The following CA12 variants were observed in gnomAD, a reference collection of about 807,000 sequenced individuals.
CA12 encodes the protein carbonate dehydratase XII.
In CA12, 36 loss-of-function variants were observed where a neutral mutation model predicts 46.8. The ratio of observed to expected loss-of-function variants is 0.77; its 90% confidence interval spans 0.59 to 1.02. The LOEUF is 1.02. CA12 is among the 50% of genes least tolerant of loss of function. The probability of loss-of-function intolerance (pLI) is 0.00; values close to 1 mark genes in which losing one functional copy is unlikely to be tolerated. For missense variants in CA12, 436 were observed against 451.4 expected, an observed-to-expected ratio of 0.97 and a Z score of 0.31; for synonymous variants, 202 against 187.0, an observed-to-expected ratio of 1.08 and a Z score of -0.65.
chr15:63,350,465 G>C (rs2039214564), intron 2 of CA12, among the ~76,000 whole-genome samples: 2 of 152,202 alleles, frequency 1.3e-5, no homozygotes, highest in African/African-American at 4.8e-5. Context: ...GCTCTTCTGA[G>C]TTTTGACTTC....
intron 1 of CA12, among the ~76,000 whole-genome samples, chr15:63,380,551 A>G (rs1018532003): frequency 6.6e-6 from 1 of 152,240 alleles, no homozygotes; most frequent in African/African-American, 2.4e-5. Flanking sequence ...TCACTTTTAC[A>G]TCGCTCCTTT....
At position 63,344,540 on chromosome 15, in the gene CA12, G is replaced by A. The variant is rs1462090472; in HGVS notation, c.429+937C>T. ...TCAGGGAAGGGCCGCTCTGAAATAT[G>A]TGAACCTCCAGTGGTACCATCCTAT... On this transcript the variant is annotated intron_variant, in intron 4 of 10. Transcript: ENST00000178638. Among the ~76,000 whole-genome samples the A allele has an allele frequency of 4.6e-5, 7 of 152,216 alleles. No individual in the cohort carries two copies. In the South Asian group the frequency reaches 1.2e-3, roughly 27 times the overall value.
rs1194710341 is a variant in CA12 at position 63,325,266 on chromosome 15, A to G, written c.*1019T>C. On this transcript the variant is annotated 3_prime_UTR_variant, in exon 11 of 11. Transcript: ENST00000178638. The surrounding 1 kb of genome is among the most constrained non-coding windows in gnomAD (Gnocchi z 4.9). ...AAGTGGCTGAAATGAAATTTGGCCT[A>G]CAGAGAATAAGTTCTACAGTCATTT... 1.3e-5 allele frequency: 2 copies of G among 152,208 alleles called. No individual in the cohort carries two copies. Among genetic ancestry groups the G allele is most frequent in the African/African-American group, 2.4e-5 (1 of 41,438 alleles). 9.4% of individuals were successfully genotyped at this position (152,208 alleles called of 1,614,324 possible).
intron 2 of CA12, among the ~76,000 whole-genome samples, chr15:63,362,835 C>G (rs2039381255): frequency 6.6e-6 from 1 of 152,186 alleles, no homozygotes; most frequent in African/African-American, 2.4e-5. Context: ...CTTCTTAAAC[C>G]TGAAGACCTT....
Position 63,341,125 on chromosome 15 carries a change from C to G in CA12, c.526-342G>C, listed in dbSNP as rs1051033691. Among the ~76,000 whole-genome samples the G allele has an allele frequency of 3.9e-5, 6 of 152,136 alleles. No individual in the cohort carries two copies. Among genetic ancestry groups the G allele is most frequent in the African/African-American group, 1.4e-4 (6 of 41,408 alleles). ...TTAAGGAGCTCTGAGTTCACAAAAG[C>G]CACGTCAGACAAATGAGCATGTTGG... is the stretch of plus-strand genomic sequence containing the variant. On this transcript the variant is annotated intron_variant, in intron 5 of 10. Coordinates refer to ENST00000178638, the MANE Select transcript of CA12 (RefSeq NM_001218.5). The surrounding 1 kb of genome is among the most constrained non-coding windows in gnomAD (Gnocchi z 5.2).
rs1172748348 is a variant in CA12 at position 63,330,691 on chromosome 15, GC to G, written c.875-2562del. On this transcript the variant is annotated intron_variant, in intron 8 of 10. Transcript: ENST00000178638. This position sits in a 1 kb window ranked among gnomAD's most constrained non-coding sequence, Gnocchi z 4.0. ...AGAGCAAGGCCCCAGCAAGGGTGGG[GC>G]TTTTCTCAGGGCACATGCCCTGCGT... Among the ~76,000 whole-genome samples, 2 of 128,050 alleles carry G rather than the reference GC, an allele frequency of 1.6e-5. No individual in the cohort carries two copies. Among genetic ancestry groups the G allele is most frequent in the African/African-American group, 5.0e-5 (2 of 39,804 alleles). 84.0% of individuals were successfully genotyped at this position (128,050 alleles called of 152,430 possible). A position where few individuals can be genotyped will look rare whatever the true frequency, so the allele number is the denominator to read the frequency against.
chr15:63,366,588 A>T (rs1469431493), intron 2 of CA12, among the ~76,000 whole-genome samples: 1 of 152,266 alleles, frequency 6.6e-6, no homozygotes, highest in Non-Finnish European at 1.5e-5. Context: ...TTTGGCACTT[A>T]GTCTTCACTC....
At chr15:63,380,291 G>C (rs1340961057) in intron 1 of CA12, among the ~76,000 whole-genome samples, 3 of 152,104 alleles carry the variant, frequency 2.0e-5, no homozygotes, top group Non-Finnish European at 2.9e-5. Context: ...GAAGAGCAGG[G>C]AAAGTAGGGA....
rs757452719 is a variant in CA12, at chr15:63,381,657, A to C, written c.64T>G (p.Ser22Ala). ...TTACCGTTCACTGGGGCCGGGCTGG[A>C]AGGCTGTTCCTTTAAGATCACCAGC... ...LLLVILKEQP[S>A]SPAPVNGSKW... is the part of the protein sequence containing the mutation. Residue 22 changes from serine to alanine, a missense_variant, in exon 1 of 11, where the codon TCC becomes GCC. Coordinates refer to ENST00000178638, the MANE Select transcript of CA12 (RefSeq NM_001218.5). The C allele has an allele frequency of 1.9e-6, 3 of 1,611,816 alleles. No individual in the cohort carries two copies. The East Asian group carries it at 6.7e-5, about 36-fold the overall frequency.
chr15:63,326,165 G>A lies in CA12; in HGVS notation c.*120C>T. The A allele has an allele frequency of 3.7e-6, 3 of 809,984 alleles. No individual in the cohort carries two copies. The highest frequency in any genetic ancestry group is 6.4e-6 in the Non-Finnish European group (3 of 467,272). 50.2% of individuals were successfully genotyped at this position (809,984 alleles called of 1,614,324 possible). On this transcript the variant is annotated 3_prime_UTR_variant, in exon 11 of 11. Coordinates refer to ENST00000178638, the MANE Select transcript of CA12 (RefSeq NM_001218.5). ...ACCCAGCAGAGGATCCCTGAGGCCT[G>A]GCATGTTTGCAGATTGAGCTACAGA...
rs1595772272 is a variant in CA12, at chr15:63,326,480, C to A, written c.993-123G>T. The A allele has an allele frequency of 1.2e-5, 9 of 761,670 alleles. No individual in the cohort carries two copies. The East Asian group carries it at 2.3e-4, about 19-fold the overall frequency. The allele number at this position is 761,670 out of a possible 1,614,324, so 47.2% of individuals were successfully genotyped here. On this transcript the variant is annotated intron_variant, in intron 10 of 10. Coordinates refer to ENST00000178638, the MANE Select transcript of CA12 (RefSeq NM_001218.5). The stretch of plus-strand genomic sequence containing the variant: ...TGGATTCCTCTCTTTGGGACCTTTC[C>A]CCAATTCTGTTGGTCTTGGGAGGGA...
At chr15:63,346,255 C>T (rs1468255552) in intron 3 of CA12, among the ~76,000 whole-genome samples, 2 of 152,148 alleles carry the variant, frequency 1.3e-5, no homozygotes, top group Non-Finnish European at 2.9e-5. Flanking sequence ...AGCTGCACAG[C>T]CAATGAACTA....
intron 1 of CA12, among the ~76,000 whole-genome samples, chr15:63,376,142 A>C (rs909994349): frequency 5.3e-5 from 8 of 152,178 alleles, no homozygotes; most frequent in Admixed American, 3.9e-4. Flanking sequence ...GCATCAGAAC[A>C]GCAGCTTCTC....
chr15:63,341,209 A>T lies in CA12; in HGVS notation c.526-426T>A, dbSNP rs112335696. 3.3e-5 allele frequency among the ~76,000 whole-genome samples: 5 copies of T among 152,338 alleles called. No homozygotes were observed. Among genetic ancestry groups the T allele is most frequent in the African/African-American group, 1.2e-4 (5 of 41,588 alleles). On this transcript the variant is annotated intron_variant, in intron 5 of 10. Coordinates refer to ENST00000178638, the MANE Select transcript of CA12 (RefSeq NM_001218.5). The surrounding 1 kb of genome is among the most constrained non-coding windows in gnomAD (Gnocchi z 5.2). Reference sequence around the variant, plus strand: ...AAAACATGCAAGCCAATCAGAAGACATTCCTCTATCTTGGGATAAAAAAAG... The same window carrying T: ...AAAACATGCAAGCCAATCAGAAGACTTTCCTCTATCTTGGGATAAAAAAAG...
chr15:63,371,421 C>A lies in CA12; in HGVS notation c.106+4237G>T, dbSNP rs540973560. The stretch of plus-strand genomic sequence containing the variant: ...GCCGAGGGCCACGAGGGCTGGCCTG[C>A]CGCAACAGAGAACTGGGCAGGCTGA... On this transcript the variant is annotated intron_variant, in intron 2 of 10. Coordinates refer to ENST00000178638, the MANE Select transcript of CA12 (RefSeq NM_001218.5). Among the ~76,000 whole-genome samples, 4 of 152,304 alleles carry A rather than the reference C, an allele frequency of 2.6e-5. No homozygotes were observed. In the South Asian group the frequency reaches 6.2e-4, roughly 24 times the overall value.
chr15:63,326,184 C>T lies in CA12; in HGVS notation c.*101G>A, dbSNP rs1251281330. 1 of 916,694 alleles carries T rather than the reference C, an allele frequency of 1.1e-6. No homozygotes were observed. Among genetic ancestry groups the T allele is most frequent in the East Asian group, 2.4e-5 (1 of 41,540 alleles). 56.8% of individuals were successfully genotyped at this position (916,694 alleles called of 1,614,324 possible). A position where few individuals can be genotyped will look rare whatever the true frequency, so the allele number is the denominator to read the frequency against. On this transcript the variant is annotated 3_prime_UTR_variant, in exon 11 of 11. Coordinates refer to ENST00000178638, the MANE Select transcript of CA12 (RefSeq NM_001218.5). ...AGGCCTGGCATGTTTGCAGATTGAG[C>T]TACAGAGAACACCTTGAGGTGTCGC...
intron 2 of CA12, among the ~76,000 whole-genome samples, chr15:63,349,522 G>GCCT (rs950882917): frequency 5.9e-5 from 9 of 151,900 alleles, no homozygotes; most frequent in Non-Finnish European, 1.2e-4. Context: ...CCTTGTCTTC[G>GCCT]CCTCCTCCTC....
intron 2 of CA12, among the ~76,000 whole-genome samples, chr15:63,363,032 C>T (rs769313556): frequency 2.0e-5 from 3 of 152,176 alleles, no homozygotes; most frequent in African/African-American, 4.8e-5. Context: ...CCTATCTCAC[C>T]GGGTGCTGTG....
At chr15:63,336,838 A>G (rs1437461362) in intron 8 of CA12, among the ~76,000 whole-genome samples, 2 of 152,134 alleles carry the variant, frequency 1.3e-5, no homozygotes, top group African/African-American at 2.4e-5. Context: ...CTGGGTGTGC[A>G]TAGGTGAGCT....
Sources: allele counts gnomAD v4.1 joint callset (sites outside exome capture counted in the v4.1 genomes callset), GRCh38; gene constraint gnomAD v4.1.1; non-coding constraint Gnocchi (gnomAD v3.1); transcripts MANE v1.5; gene names NCBI Gene and HGNC (gene_info 2026-07-23, HGNC 2026-07-21).